The following ANKRD30B variants were observed in gnomAD, a reference collection of about 807,000 sequenced individuals.
ANKRD30B encodes the protein ankyrin repeat domain 30B, also known as ankyrin repeat domain-containing protein 30B.
ANKRD30B carries 144 observed loss-of-function variants against 202.2 expected under a neutral mutation model. The observed-to-expected ratio is 0.71, with a 90% CI of 0.62 to 0.82. ANKRD30B has a LOEUF of 0.82. Ranked by LOEUF, ANKRD30B falls within the 40% of genes least tolerant of loss-of-function variation. The pLI, the probability that ANKRD30B is intolerant of heterozygous loss-of-function variation, is 0.00. For synonymous variants in ANKRD30B, 508 were observed against 561.3 expected (o/e 0.91, Z 1.34); for missense variants, 1,487 against 1,669.1 (o/e 0.89, Z 1.90).
At chr18:14,903,995 G>C in the ANKRD30B span, among the ~76,000 whole-genome samples, 1 of 152,070 alleles carries the variant, frequency 6.6e-6, no homozygotes, top group Non-Finnish European at 1.5e-5. Flanking sequence ...TATAAAGAAG[G>C]GCTGTCCAAT....
chr18:14,818,721 A>G (rs1242733035), intron 30 of ANKRD30B, among the ~76,000 whole-genome samples: 1 of 151,974 alleles, frequency 6.6e-6, no homozygotes, highest in Non-Finnish European at 1.5e-5. Context: ...ATAGAATTCC[A>G]TGGTGTATAT....
chr18:14,934,908 C>CCACA, the ANKRD30B span, among the ~76,000 whole-genome samples: 6,093 of 134,586 alleles, frequency 0.045, 136 homozygotes, highest in Middle Eastern at 0.098. Context: ...CCTCCCTCTA[C>CCACA]CACACACACA....
the ANKRD30B span, among the ~76,000 whole-genome samples, chr18:14,920,878 T>C: frequency 1.3e-5 from 2 of 152,252 alleles, no homozygotes; most frequent in African/African-American, 4.8e-5. Flanking sequence ...GCATGTAAGA[T>C]TGGCTGAGAG....
the ANKRD30B span, among the ~76,000 whole-genome samples, chr18:14,866,573 C>T: frequency 5.9e-5 from 9 of 152,210 alleles, no homozygotes; most frequent in East Asian, 7.8e-4. Context: ...CACCATGGCT[C>T]GCCTGGTTGC....
In ANKRD30B at chr18:14,796,317, A is replaced by T. The variant is rs533517679; in HGVS notation, c.1855-26A>T. ...TTTAGGAAGCATATATTATGTATTA[A>T]TTTTTGTGTTTCCAAACCCATTTAG... On this transcript the variant is annotated intron_variant, in intron 17 of 43. Coordinates refer to ENST00000690538, the MANE Select transcript of ANKRD30B (RefSeq NM_001367607.2). 5.6e-6 allele frequency: 9 copies of T among 1,608,020 alleles called. No individual in the cohort carries two copies. The African/African-American group carries it at 1.2e-4, about 22-fold the overall frequency.
At chr18:14,931,970 C>A in the ANKRD30B span, among the ~76,000 whole-genome samples, 1 of 5,986 alleles carries the variant, frequency 1.7e-4, no homozygotes, top group Non-Finnish European at 4.4e-4. Flanking sequence ...CTTCCTCCCT[C>A]CTGTACTGTC....
chr18:14,918,466 A>T, the ANKRD30B span, among the ~76,000 whole-genome samples: 1 of 152,172 alleles, frequency 6.6e-6, no homozygotes, highest in Non-Finnish European at 1.5e-5. Context: ...ACAGAAGAAT[A>T]GGCATAAGAG....
intron 18 of ANKRD30B, among the ~76,000 whole-genome samples, chr18:14,796,711 A>G (rs887323282): frequency 2.0e-5 from 3 of 151,668 alleles, no homozygotes; most frequent in Non-Finnish European, 4.4e-5. Flanking sequence ...TAATAGACAC[A>G]GACAAGATAG....
At chr18:14,926,923 T>TTGTGTG in the ANKRD30B span, among the ~76,000 whole-genome samples, 78 of 147,770 alleles carry the variant, frequency 5.3e-4, no homozygotes, top group African/African-American at 1.9e-3. Context: ...TGAGCAAGGG[T>TTGTGTG]TGTGTGTGTG....
chr18:14,827,895 AAT>A (rs1457319482), intron 32 of ANKRD30B, among the ~76,000 whole-genome samples: 83 of 152,194 alleles, frequency 5.5e-4, no homozygotes, highest in African/African-American at 1.9e-3. Flanking sequence ...AAGGAGGGGA[AAT>A]AAGCATTCTT....
chr18:14,923,615 C>G, the ANKRD30B span, among the ~76,000 whole-genome samples: 1 of 152,154 alleles, frequency 6.6e-6, no homozygotes, highest in Non-Finnish European at 1.5e-5. Flanking sequence ...GCCTGGCTGG[C>G]TTTGCAACCT....
At chr18:14,915,485 C>G in the ANKRD30B span, 4 of 152,192 alleles carry the variant, frequency 2.6e-5, no homozygotes, top group Non-Finnish European at 4.4e-5. Flanking sequence ...TAACATGAGC[C>G]TTATGAGGAC....
chr18:14,889,524 G>A, the ANKRD30B span, among the ~76,000 whole-genome samples: 134 of 152,070 alleles, frequency 8.8e-4, no homozygotes, highest in Non-Finnish European at 1.5e-3. Context: ...TTGCATTGTA[G>A]TGAAGTGGGA....
At chr18:14,824,532 T>C (rs1387433062) in intron 32 of ANKRD30B, among the ~76,000 whole-genome samples, 9 of 152,284 alleles carry the variant, frequency 5.9e-5, no homozygotes, top group Admixed American at 5.9e-4. Context: ...GTTCTTACTG[T>C]GATTAGCTTA....
chr18:14,811,405 G>T (rs1334293901), intron 28 of ANKRD30B, among the ~76,000 whole-genome samples: 1 of 150,798 alleles, frequency 6.6e-6, no homozygotes, highest in Non-Finnish European at 1.5e-5. Flanking sequence ...TAGAAACGGG[G>T]TTTCACCATG....
At chr18:14,938,585 A>G in the ANKRD30B span, among the ~76,000 whole-genome samples, 1 of 152,216 alleles carries the variant, frequency 6.6e-6, no homozygotes, top group African/African-American at 2.4e-5. Flanking sequence ...TGCAGTTTTC[A>G]ACTGACCTCA....
intron 9 of ANKRD30B, among the ~76,000 whole-genome samples, chr18:14,776,153 A>T (rs1457229450): frequency 1.3e-5 from 2 of 152,196 alleles, no homozygotes; most frequent in Non-Finnish European, 2.9e-5. Context: ...ATAGAAATAT[A>T]GCAGTTTGGA....
At chr18:14,790,366 T>C (rs1477606858) in intron 15 of ANKRD30B, among the ~76,000 whole-genome samples, 2 of 152,196 alleles carry the variant, frequency 1.3e-5, no homozygotes, top group Non-Finnish European at 2.9e-5. Flanking sequence ...CTTTTCCTAA[T>C]TGAATACCCT....
chr18:14,755,811 C>T (rs1170282319), intron 4 of ANKRD30B, among the ~76,000 whole-genome samples: 2 of 152,080 alleles, frequency 1.3e-5, no homozygotes, highest in Non-Finnish European at 1.5e-5. Flanking sequence ...CATTGTTGGA[C>T]ATTTGGGTTG....
Sources: allele counts gnomAD v4.1 joint callset (sites outside exome capture counted in the v4.1 genomes callset), GRCh38; gene constraint gnomAD v4.1.1; transcripts MANE v1.5; gene names NCBI Gene and HGNC (gene_info 2026-07-23, HGNC 2026-07-21).